Variants in KIF20B observed in about 807,000 individuals in gnomAD.
KIF20B encodes the protein kinesin-like protein KIF20B.
KIF20B carries 188 observed loss-of-function variants against 232.5 expected under a neutral mutation model. The ratio of observed to expected loss-of-function variants is 0.81; its 90% CI spans 0.72 to 0.91. The LOEUF (loss-of-function observed/expected upper bound fraction) is 0.91. KIF20B is among the 40% of genes least tolerant of loss of function. The pLI is 0.00. For missense variants in KIF20B, 2,154 were observed against 2,055.9 expected, an observed-to-expected ratio of 1.05 and a Z score of -0.92; for synonymous variants, 712 against 683.0, an observed-to-expected ratio of 1.04 and a Z score of -0.66.
intron 4 of KIF20B, 152 bp downstream of exon 4, chr10:89,709,613 T>C (rs1842796646): frequency 8.9e-6 from 5 of 563,340 alleles, no homozygotes; most frequent in Admixed American, 6.3e-5. Flanking sequence ...TCTGGAAATA[T>C]ATAATTGGAT....
chr10:89,728,599 G>C (rs1564663737), intron 17 of KIF20B, among the ~76,000 whole-genome samples: 1 of 152,122 alleles, frequency 6.6e-6, no homozygotes, highest in Middle Eastern at 3.4e-3. Context: ...TACGTTTCCT[G>C]GGTTCAAGTG....
At chr10:89,722,601 G>A (rs1311646739) in intron 13 of KIF20B, among the ~76,000 whole-genome samples, 2 of 152,198 alleles carry the variant, frequency 1.3e-5, no homozygotes, top group South Asian at 2.1e-4. Flanking sequence ...CCTGGGGGGC[G>A]GAGGTTGCAG....
In KIF20B at chr10:89,738,459, A is replaced by G; in HGVS notation, c.3618A>G (p.Glu1206=). ...KLERNLKEFQ[E]HLQDSVKNTK... ...AAAGAAATTTGAAGGAATTTCAAGA[A>G]CATCTTCAGGATTCTGTCAAAAACA... The change falls in exon 20 of 33, where the codon GAA becomes GAG. Residue 1206 remains glutamate, a synonymous_variant. Coordinates refer to ENST00000371728, the MANE Select transcript of KIF20B (RefSeq NM_001284259.2). The G allele has an allele frequency of 6.2e-7, 1 of 1,603,388 alleles. No individual in the cohort carries two copies. The highest frequency in any genetic ancestry group is 8.5e-7 in the Non-Finnish European group (1 of 1,176,922).
intron 27 of KIF20B, among the ~76,000 whole-genome samples, 157 bp from the exon 28 acceptor site, chr10:89,760,369 A>G (rs77098818): frequency 0.017 from 2,558 of 152,246 alleles, 23 homozygotes; most frequent in Middle Eastern, 0.034. Flanking sequence ...GTTGAAAGAG[A>G]AATAGGAGGG....
intron 29 of KIF20B, among the ~76,000 whole-genome samples, chr10:89,767,322 C>T (rs1357982185): frequency 6.6e-6 from 1 of 150,712 alleles, no homozygotes; most frequent in Non-Finnish European, 1.5e-5. Flanking sequence ...CTAATGCTAT[C>T]CCTCCCCTAG....
chr10:89,717,785 TTTG>T (rs1390864164), intron 11 of KIF20B, 63 bp downstream of exon 11: 1 of 1,257,620 alleles, frequency 8.0e-7, no homozygotes, highest in African/African-American at 1.5e-5. Flanking sequence ...TTTCAACTTT[TTTG>T]TTTTTAGAAA....
chr10:89,745,524 A>AAAAC (rs202104863), intron 22 of KIF20B, among the ~76,000 whole-genome samples: 4,501 of 152,104 alleles, frequency 0.03, 356 homozygotes, highest in East Asian at 0.26. Flanking sequence ...CTCCATCTCA[A>AAAAC]AAACAAACAA....
chr10:89,758,963 G>GT, intron 27 of KIF20B, 81 bp downstream of exon 27: 1 of 916,422 alleles, frequency 1.1e-6, no homozygotes, highest in African/African-American at 1.7e-5. Context: ...ATAAAAAAGT[G>GT]TAAGTCTCAA....
intron 27 of KIF20B, among the ~76,000 whole-genome samples, chr10:89,759,542 A>T (rs537651762): frequency 1.4e-4 from 21 of 152,256 alleles, no homozygotes; most frequent in African/African-American, 4.8e-4. Context: ...CTATTATTGT[A>T]AGAGAGATTA....
intron 31 of KIF20B, among the ~76,000 whole-genome samples, chr10:89,772,127 T>A (rs1033851082): frequency 1.3e-5 from 2 of 151,830 alleles, no homozygotes; most frequent in African/African-American, 2.4e-5. Flanking sequence ...TGTTTTCTAT[T>A]AAAAAAAAGT....
chr10:89,706,297 T>C (rs1589849005), intron 2 of KIF20B, among the ~76,000 whole-genome samples: 1 of 152,288 alleles, frequency 6.6e-6, no homozygotes, highest in East Asian at 1.9e-4. Flanking sequence ...CTTCAGATCT[T>C]TTTCCCATTT....
intron 21 of KIF20B, among the ~76,000 whole-genome samples, chr10:89,741,640 G>GGGAT: frequency 6.6e-6 from 1 of 152,216 alleles, no homozygotes; most frequent in Non-Finnish European, 1.5e-5. Context: ...CAGACATTGA[G>GGGAT]GGATACAGTA....
chr10:89,760,435 C>T, intron 27 of KIF20B, 91 bp from the exon 28 acceptor site: 2 of 781,380 alleles, frequency 2.6e-6, no homozygotes, highest in South Asian at 3.4e-5. Flanking sequence ...TAGTTTCATA[C>T]AAATCTTGAT....
chr10:89,725,983 CA>C (rs55720426), intron 15 of KIF20B, among the ~76,000 whole-genome samples: 283 of 152,290 alleles, frequency 1.9e-3, no homozygotes, highest in Non-Finnish European at 3.4e-3. Flanking sequence ...ACTATCCCAA[CA>C]AAACCTTTTA....
chr10:89,709,228 A>T lies in KIF20B; in HGVS notation c.209A>T (p.Gln70Leu). 6.2e-7 allele frequency: 1 copy of T among 1,610,190 alleles called. No homozygotes were observed. Among genetic ancestry groups the T allele is most frequent in the Middle Eastern group, 1.7e-4 (1 of 6,016 alleles). The change falls in exon 3 of 33, where the codon CAG becomes CTG. Residue 70 changes from glutamine to leucine, a missense_variant. Gln to Leu is a moderately radical substitution (Grantham distance 113). Transcript: ENST00000371728. ...QVCLRIRPFT[Q>L]SEKELESEGC... is the part of the protein sequence containing the mutation. ...TGTCTTCGAATAAGACCATTTACAC[A>T]GTCAGAAAAAGAACTTGAGTCTGAG...
At chr10:89,767,597 G>A (rs554967696) in intron 29 of KIF20B, among the ~76,000 whole-genome samples, 1 of 152,002 alleles carries the variant, frequency 6.6e-6, no homozygotes, top group East Asian at 1.9e-4. Context: ...GGTACAACTA[G>A]GATTTGCAGC....
chr10:89,757,049 T>TATATATATATAC (rs1221455324), intron 26 of KIF20B, among the ~76,000 whole-genome samples: 1 of 131,392 alleles, frequency 7.6e-6, no homozygotes, highest in African/African-American at 2.7e-5. Context: ...TGTATATATA[T>TATATATATATAC]ATATATATAT....
In KIF20B at chr10:89,724,100, TTAAG is replaced by T. The variant is rs757618263; in HGVS notation, c.1862+3_1862+6del. 4.7e-6 allele frequency: 7 copies of T among 1,482,140 alleles called. No homozygotes were observed. The highest frequency in any genetic ancestry group is 6.2e-6 in the Non-Finnish European group (7 of 1,120,422). 91.8% of individuals were successfully genotyped at this position (1,482,140 alleles called of 1,614,324 possible). The stretch of plus-strand genomic sequence containing the variant: ...TATTGGGCTCAACGGGAAGCTGACT[TTAAG>T]TAAGTTATTTATTTCATGTCCAGGT... On this transcript the variant is annotated splice_donor_variant and coding_sequence_variant, in exon 14 of 33. Coordinates refer to ENST00000371728, the MANE Select transcript of KIF20B (RefSeq NM_001284259.2). LOFTEE classifies it high-confidence loss of function.
At chr10:89,756,335 AAAATC>A (rs1295359394) in intron 26 of KIF20B, among the ~76,000 whole-genome samples, 1 of 152,222 alleles carries the variant, frequency 6.6e-6, no homozygotes, top group Non-Finnish European at 1.5e-5. Context: ...GGCAATAAGT[AAAATC>A]AAAACAGAAG....
Sources: gnomAD v4.1 joint callset for allele counts (sites outside exome capture counted in the v4.1 genomes callset) on GRCh38, gnomAD v4.1.1 for gene constraint, MANE v1.5 for transcripts, NCBI Gene and HGNC (gene_info 2026-07-23, HGNC 2026-07-21) for gene names.